The following SPATA31A1 variants were observed in gnomAD, a reference collection of about 807,000 sequenced individuals.
SPATA31A1 encodes the protein spermatogenesis-associated protein 31A1.
For missense variants in SPATA31A1, 579 were observed against 1,476.3 expected, an observed-to-expected ratio of 0.39 and a Z score of 9.96; for synonymous variants, 194 against 573.4, an observed-to-expected ratio of 0.34 and a Z score of 9.45.
At position 39,358,041 on chromosome 9, in the gene SPATA31A1, C is replaced by T; in HGVS notation, c.309-33C>T. On this transcript the variant is annotated intron_variant, in intron 3 of 3. Coordinates refer to ENST00000377647, the MANE Select transcript of SPATA31A1 (RefSeq NM_001085452.4). Reference sequence around the variant, plus strand: ...CTCTGCCCTCCGGCCCCACCGGCTCCTGGCTGCAGCTCGTGTCTCCTGTCT... The same window carrying T: ...CTCTGCCCTCCGGCCCCACCGGCTCTTGGCTGCAGCTCGTGTCTCCTGTCT... 4 of 566,220 alleles carry T rather than the reference C, an allele frequency of 7.1e-6. No individual in the cohort carries two copies. The South Asian group carries it at 8.3e-5, about 12-fold the overall frequency. 35.1% of individuals were successfully genotyped at this position (566,220 alleles called of 1,614,324 possible).
chr9:39,357,669 A>G (rs1423501686), intron 2 of SPATA31A1, 89 bp from the exon 3 acceptor site: 1 of 1,589,956 alleles, frequency 6.3e-7, no homozygotes, highest in Admixed American at 1.7e-5. Flanking sequence ...CTAATTCCCC[A>G]TGGTCCTCCC....
chr9:39,361,733 A>T lies in SPATA31A1; in HGVS notation c.3968A>T (p.His1323Leu). 6.2e-7 allele frequency: 1 copy of T among 1,612,484 alleles called. No individual in the cohort carries two copies. Among genetic ancestry groups the T allele is most frequent in the South Asian group, 1.1e-5 (1 of 90,998 alleles). The change falls in exon 4 of 4, where the codon CAC becomes CTC. Residue 1323 changes from histidine to leucine, a missense_variant. Transcript: ENST00000377647. ...KAVSPVSPLQ[H>L]WPKTSGASSH... Reference sequence around the variant, plus strand: ...GTATCCCCAGTCAGTCCCCTTCAGCACTGGCCGAAGACATCCGGTGCCTCT... The same window carrying T: ...GTATCCCCAGTCAGTCCCCTTCAGCTCTGGCCGAAGACATCCGGTGCCTCT...
rs1823400851 is a variant in SPATA31A1, at chr9:39,359,200, T to C, written c.1435T>C (p.Cys479Arg). ...GCCCCCGTCCCATCTGGGGCCCGAG[T>C]GCCAACCCTTTATTTCATCCACACC... Reference protein sequence around the residue: ...AQPPSHLGPECQPFISSTPQF... With the variant: ...AQPPSHLGPERQPFISSTPQF... Residue 479 changes from cysteine (C) to arginine (R), a missense_variant, in exon 4 of 4, where the codon TGC becomes CGC. By Grantham distance (180) the Cys-to-Arg change is radical. Transcript: ENST00000377647. 6.2e-7 allele frequency: 1 copy of C among 1,611,656 alleles called. No individual in the cohort carries two copies.
Position 39,358,586 on chromosome 9 carries a change from A to G in SPATA31A1, c.821A>G (p.Asn274Ser). The G allele has an allele frequency of 6.3e-7, 1 of 1,594,024 alleles. No individual in the cohort carries two copies. Among genetic ancestry groups the G allele is most frequent in the Non-Finnish European group, 8.5e-7 (1 of 1,178,068 alleles). ...VPAISGLGGS[N>S]SHVSASSRWQ... ...GCCATCTCAGGCCTTGGTGGCTCAA[A>G]CAGTCATGTTTCTGCCTCCTCCCGG... Residue 274 changes from asparagine (N) to serine (S), a missense_variant, in exon 4 of 4, where the codon AAC becomes AGC. Physicochemically the swap from Asn to Ser is conservative, Grantham distance 46 (BLOSUM62 1). Transcript: ENST00000377647.
In SPATA31A1 at chr9:39,358,638, C is replaced by T. The variant is rs1484714392; in HGVS notation, c.873C>T (p.Cys291=). ...GGCAGGAGACTGCCAGAACCTCGTG[C>T]GCCTTTAACTCATCAGTCCAGCAAG... ...SRWQETARTS[C]AFNSSVQQDH... is the part of the protein sequence containing the mutation. Residue 291 remains cysteine (C), a synonymous_variant, in exon 4 of 4, where the codon TGC becomes TGT. Transcript: ENST00000377647. The T allele has an allele frequency of 3.2e-5, 51 of 1,606,172 alleles. 1 individual carries two copies. In the Middle Eastern group the frequency reaches 8.3e-4, roughly 26 times the overall value.
At position 39,355,833 on chromosome 9, in the gene SPATA31A1, G is replaced by A. The variant is rs1164251003; in HGVS notation, c.103G>A (p.Ala35Thr). ...GGATATCTTCCTCACTTTGGTGTTT[G>A]CCCTGGGGTTCTTCTTCCTATTACT... is the stretch of plus-strand genomic sequence containing the variant. ...VLDIFLTLVF[A>T]LGFFFLLLPY... The change falls in exon 1 of 4, where the codon GCC (alanine) becomes ACC (threonine). Residue 35 changes from alanine to threonine, a missense_variant. By Grantham distance (58) the Ala-to-Thr change is moderately conservative. Transcript: ENST00000377647. 2 of 365,966 alleles carry A rather than the reference G, an allele frequency of 5.5e-6. No homozygotes were observed. Among genetic ancestry groups the A allele is most frequent in the Non-Finnish European group, 8.5e-6 (2 of 235,802 alleles). 22.7% of individuals were successfully genotyped at this position (365,966 alleles called of 1,614,324 possible). A position where few individuals can be genotyped will look rare whatever the true frequency, so the allele number is the denominator to read the frequency against.
At chr9:39,357,656 G>T in intron 2 of SPATA31A1, 102 bp from the exon 3 acceptor site, 2 of 1,595,456 alleles carry the variant, frequency 1.3e-6, no homozygotes, top group Non-Finnish European at 8.6e-7. Flanking sequence ...TGGGGCCCAG[G>T]GTCTAATTCC....
chr9:39,357,921 A>T, intron 3 of SPATA31A1, 103 bp downstream of exon 3: 1 of 1,569,916 alleles, frequency 6.4e-7, no homozygotes, highest in Non-Finnish European at 8.7e-7. Context: ...GACCAGGGGT[A>T]CAGAGGATGG....
At position 39,357,864 on chromosome 9, in the gene SPATA31A1, C is replaced by T. The variant is rs1375504670; in HGVS notation, c.308+46C>T. The T allele has an allele frequency of 1.0e-3, 1,608 of 1,551,618 alleles. 28 individuals are homozygous for T. In the African/African-American group the frequency reaches 0.018, roughly 17 times the overall value. ...TGCATCCTTCCTACCAGGGCTGGGA[C>T]GTGACCCCAGGGCCACAGGCAGCCT... On this transcript the variant is annotated intron_variant, in intron 3 of 3. Coordinates refer to ENST00000377647, the MANE Select transcript of SPATA31A1 (RefSeq NM_001085452.4).
rs1312824047 is a variant in SPATA31A1, at chr9:39,358,610, G to T, written c.845G>T (p.Arg282Leu). ...GSNSHVSASSRWQETARTSCA... is the reference protein window; with the variant it reads ...GSNSHVSASSLWQETARTSCA... ...AACAGTCATGTTTCTGCCTCCTCCCGGTGGCAGGAGACTGCCAGAACCTCG... is the reference window on the plus strand; with the variant it reads ...AACAGTCATGTTTCTGCCTCCTCCCTGTGGCAGGAGACTGCCAGAACCTCG... Residue 282 changes from arginine (R) to leucine (L), a missense_variant, in exon 4 of 4, where the codon CGG becomes CTG. Arg to Leu is a moderately radical substitution (Grantham distance 102, BLOSUM62 -2). Coordinates refer to ENST00000377647, the MANE Select transcript of SPATA31A1 (RefSeq NM_001085452.4). The T allele has an allele frequency of 1.9e-6, 3 of 1,600,646 alleles. No individual in the cohort carries two copies. Among genetic ancestry groups the T allele is most frequent in the South Asian group, 2.2e-5 (2 of 90,756 alleles).
At position 39,358,711 on chromosome 9, in the gene SPATA31A1, A is replaced by G; in HGVS notation, c.946A>G (p.Ser316Gly). 3 of 1,607,668 alleles carry G rather than the reference A, an allele frequency of 1.9e-6. No individual in the cohort carries two copies. Among genetic ancestry groups the G allele is most frequent in the Non-Finnish European group, 8.5e-7 (1 of 1,179,820 alleles). The change falls in exon 4 of 4, where the codon AGC (serine) becomes GGC (glycine). Residue 316 changes from serine to glycine, a missense_variant. By Grantham distance (56) the Ser-to-Gly change is moderately conservative (BLOSUM62 0). Transcript: ENST00000377647. ...PPETYQMEAG[S>G]LFLLSSDGQN... ...AGAGACCTACCAGATGGAAGCTGGT[A>G]GCCTGTTTTTGCTCAGCTCTGATGG...
chr9:39,357,556 C>A (rs1043477684), intron 2 of SPATA31A1: 2 of 707,736 alleles, frequency 2.8e-6, no homozygotes, highest in Non-Finnish European at 4.8e-6. Context: ...GTGGGGGGTC[C>A]GTGTGTGGAA....
Position 39,361,339 on chromosome 9 carries a change from A to G in SPATA31A1, c.3574A>G (p.Thr1192Ala). 3 of 1,613,658 alleles carry G rather than the reference A, an allele frequency of 1.9e-6. No individual in the cohort carries two copies. The highest frequency in any genetic ancestry group is 2.5e-6 in the Non-Finnish European group (3 of 1,179,838). The part of the protein sequence containing the change: ...PAPVTAESQK[T>A]VKNRSCVYSS... Reference sequence around the variant, plus strand: ...ACCAGTCACTGCTGAGAGCCAAAAAACAGTGAAAAACAGATCATGTGTGTA... The same window carrying G: ...ACCAGTCACTGCTGAGAGCCAAAAAGCAGTGAAAAACAGATCATGTGTGTA... The change falls in exon 4 of 4, where the codon ACA (threonine) becomes GCA (alanine). Residue 1192 changes from threonine (T) to alanine (A), a missense_variant. Physicochemically the swap from Thr to Ala is moderately conservative, Grantham distance 58 (BLOSUM62 0). Transcript: ENST00000377647.
rs755153681 is a variant in SPATA31A1, at chr9:39,361,207, G to A, written c.3442G>A (p.Val1148Ile). 1.8e-4 allele frequency: 291 copies of A among 1,611,454 alleles called. 1 individual carries two copies. In the African/African-American group the frequency reaches 2.8e-3, roughly 16 times the overall value. Reference sequence around the variant, plus strand: ...AGAAGACACCCATCAGGATGAAGGCGTCCAGCTACTGCCATCAAAGAAACA... The same window carrying A: ...AGAAGACACCCATCAGGATGAAGGCATCCAGCTACTGCCATCAAAGAAACA... ...KTEDTHQDEG[V>I]QLLPSKKQPP... is the part of the protein sequence containing the mutation. Residue 1148 changes from valine (V) to isoleucine (I), a missense_variant, in exon 4 of 4, where the codon GTC (valine) becomes ATC (isoleucine). Coordinates refer to ENST00000377647, the MANE Select transcript of SPATA31A1 (RefSeq NM_001085452.4).
Position 39,361,810 on chromosome 9 carries a change from T to C in SPATA31A1, c.*1T>C, listed in dbSNP as rs2118440929. ...CTGTCTTCTTTGGGAAGGTATCTGA[T>C]TTGGTCAGTCACAAATTCTTTTTTA... On this transcript the variant is annotated 3_prime_UTR_variant, in exon 4 of 4. Coordinates refer to ENST00000377647, the MANE Select transcript of SPATA31A1 (RefSeq NM_001085452.4). 1 of 1,610,110 alleles carries C rather than the reference T, an allele frequency of 6.2e-7. No homozygotes were observed. The highest frequency in any genetic ancestry group is 8.5e-7 in the Non-Finnish European group (1 of 1,179,578).
chr9:39,356,441 G>A (rs1734169988), intron 1 of SPATA31A1, among the ~76,000 whole-genome samples: 1 of 131,256 alleles, frequency 7.6e-6, no homozygotes, highest in African/African-American at 2.9e-5. Flanking sequence ...GAGGAACAGG[G>A]ACTGAAGGTG....
At chr9:39,357,997 G>C in intron 3 of SPATA31A1, 77 bp from the exon 4 acceptor site, 1 of 1,582,068 alleles carries the variant, frequency 6.3e-7, no homozygotes. Context: ...TGGTGGAGGG[G>C]CTGTGGCCCG....
In SPATA31A1 at chr9:39,360,821, C is replaced by T; in HGVS notation, c.3056C>T (p.Thr1019Ile). The T allele has an allele frequency of 6.2e-7, 1 of 1,606,086 alleles. No individual in the cohort carries two copies. The highest frequency in any genetic ancestry group is 8.5e-7 in the Non-Finnish European group (1 of 1,179,136). Residue 1019 changes from threonine to isoleucine, a missense_variant, in exon 4 of 4, where the codon ACA (threonine) becomes ATA (isoleucine). Physicochemically the swap from Thr to Ile is moderately conservative, Grantham distance 89. Transcript: ENST00000377647. ...VVNEFEPGMA[T>I]KSETQPQVCA... ...AATGAATTTGAGCCTGGAATGGCCA[C>T]AAAGTCAGAGACCCAGCCTCAAGTT...
At position 39,359,289 on chromosome 9, in the gene SPATA31A1, A is replaced by C; in HGVS notation, c.1524A>C (p.Pro508=). 6.2e-7 allele frequency: 1 copy of C among 1,610,116 alleles called. No individual in the cohort carries two copies. The highest frequency in any genetic ancestry group is 8.5e-7 in the Non-Finnish European group (1 of 1,179,438). The change falls in exon 4 of 4, where the codon CCA becomes CCC. Residue 508 remains proline, a synonymous_variant. Coordinates refer to ENST00000377647, the MANE Select transcript of SPATA31A1 (RefSeq NM_001085452.4). ...AGGCCCATCTTCAATCTTCTTTCCC[A>C]GTCCTATCTCCTGCTTTTCCATCCC... ...EAQAHLQSSF[P]VLSPAFPSLI... is the part of the protein sequence containing the mutation.
Sources: gnomAD v4.1 joint callset for allele counts (sites outside exome capture counted in the v4.1 genomes callset) on GRCh38, gnomAD v4.1.1 for gene constraint, MANE v1.5 for transcripts, NCBI Gene and HGNC (gene_info 2026-07-23, HGNC 2026-07-21) for gene names.